Variants in HS6ST2 observed in about 807,000 individuals in gnomAD.
HS6ST2 encodes heparan-sulfate 6-O-sulfotransferase 2.
A neutral mutation model predicts 33.0 loss-of-function variants in HS6ST2; 17 were observed. The ratio of observed to expected loss-of-function variants is 0.52; its 90% CI spans 0.35 to 0.77. HS6ST2 has a LOEUF of 0.77. Ranked by LOEUF, HS6ST2 falls within the 30% of genes least tolerant of loss-of-function variation. The pLI is 0.01. For missense variants in HS6ST2, 519 were observed against 551.7 expected (o/e 0.94, Z 0.59); for synonymous variants, 248 against 237.1 (o/e 1.05, Z -0.42).
intron 2 of HS6ST2, among the ~76,000 whole-genome samples, chrX:132,852,048 G>C (rs1046668376): frequency 9.0e-6 from 1 of 111,479 alleles, no homozygotes; most frequent in East Asian, 2.8e-4. Context: ...AGGCTGAGGA[G>C]GGAGGATCGC....
chrX:132,725,558 C>T lies in HS6ST2; in HGVS notation c.948-17064G>A, dbSNP rs767325179. 8.1e-4 allele frequency among the ~76,000 whole-genome samples: 91 copies of T among 112,017 alleles called. 1 individual carries two copies. Among genetic ancestry groups the T allele is most frequent in the Non-Finnish European group, 1.4e-3 (75 of 53,122 alleles). On this transcript the variant is annotated intron_variant, in intron 2 of 4. Coordinates refer to ENST00000370833, the MANE Select transcript of HS6ST2 (RefSeq NM_001394073.1). ...AGAAAAGAGAACCCTCATACACTGC[C>T]GATGGGAATGTAAATTAGTATGACT...
intron 2 of HS6ST2, among the ~76,000 whole-genome samples, chrX:132,796,148 T>A (rs113200430): frequency 7.2e-4 from 81 of 111,881 alleles, no homozygotes; most frequent in African/African-American, 2.5e-3. Flanking sequence ...TTATTGCACA[T>A]GTTCAGGGAA....
At chrX:132,811,163 C>A (rs1207540142) in intron 2 of HS6ST2, among the ~76,000 whole-genome samples, 2 of 111,277 alleles carry the variant, frequency 1.8e-5, no homozygotes, top group Admixed American at 1.9e-4. Flanking sequence ...GATATGTCAG[C>A]TGGCTTAAAT....
At chrX:132,718,274 CATG>C (rs2064295759) in intron 2 of HS6ST2, among the ~76,000 whole-genome samples, 1 of 111,363 alleles carries the variant, frequency 9.0e-6, no homozygotes, top group African/African-American at 3.3e-5. Flanking sequence ...GGACCAAGCT[CATG>C]AGCCACTCAG....
chrX:132,744,901 T>C (rs770249834), intron 2 of HS6ST2, among the ~76,000 whole-genome samples: 2 of 112,080 alleles, frequency 1.8e-5, no homozygotes, highest in South Asian at 3.7e-4. Flanking sequence ...GGCTATACTA[T>C]TATGAATGTA....
intron 2 of HS6ST2, among the ~76,000 whole-genome samples, chrX:132,746,946 G>A (rs1381965598): frequency 8.9e-6 from 1 of 111,815 alleles, no homozygotes; most frequent in East Asian, 2.8e-4. Context: ...TCAATTCACC[G>A]AGGAAACAAG....
At chrX:132,854,658 G>T (rs185277811) in intron 2 of HS6ST2, among the ~76,000 whole-genome samples, 35 of 112,396 alleles carry the variant, frequency 3.1e-4, no homozygotes, top group African/African-American at 1.1e-3. Context: ...TAGACACAAG[G>T]AACCTTCTGC....
chrX:132,645,472 C>T (rs1382762200), intron 4 of HS6ST2, among the ~76,000 whole-genome samples: 1 of 112,635 alleles, frequency 8.9e-6, no homozygotes, highest in Non-Finnish European at 1.9e-5. Flanking sequence ...AGCCATGAAT[C>T]GGTCATGAAC....
intron 2 of HS6ST2, among the ~76,000 whole-genome samples, chrX:132,880,290 C>T (rs1934588052): frequency 9.0e-6 from 1 of 111,238 alleles, no homozygotes; most frequent in African/African-American, 3.3e-5. Flanking sequence ...AATCCTAGCA[C>T]TTTGGGAGGT....
At chrX:132,657,336 T>C (rs1289597314) in intron 4 of HS6ST2, among the ~76,000 whole-genome samples, 4 of 110,991 alleles carry the variant, frequency 3.6e-5, no homozygotes, top group Non-Finnish European at 7.6e-5. Flanking sequence ...TGGGTATGTG[T>C]AGTTAGCCCC....
Position 132,793,048 on chromosome X carries a change from C to CTTTTTTTTT in HS6ST2, c.948-84563_948-84555dup. ...AAGTTGCAAATCTCCAAATAAACTCCTTTTTTTTTTTTTTTTTTTTTTTTT... is the reference window on the plus strand; with the variant it reads ...AAGTTGCAAATCTCCAAATAAACTCCTTTTTTTTTTTTTTTTTTTTTTTTTTTTTTTTTT... On this transcript the variant is annotated intron_variant, in intron 2 of 4. Coordinates refer to ENST00000370833, the MANE Select transcript of HS6ST2 (RefSeq NM_001394073.1). Among the ~76,000 whole-genome samples the CTTTTTTTTT allele has an allele frequency of 2.6e-4, 14 of 53,241 alleles. 3 individuals are homozygous for CTTTTTTTTT. The highest frequency in any genetic ancestry group is 1.3e-3 in the African/African-American group (12 of 9,561). 46.2% of individuals were successfully genotyped at this position (53,241 alleles called of 115,157 possible). A position where few individuals can be genotyped will look rare whatever the true frequency, so the allele number is the denominator to read the frequency against.
At chrX:132,687,080 T>C (rs2064023485) in intron 3 of HS6ST2, among the ~76,000 whole-genome samples, 2 of 112,184 alleles carry the variant, frequency 1.8e-5, no homozygotes, top group South Asian at 7.5e-4. Context: ...CTGCATCCCT[T>C]CTAGACCAAT....
rs1055213241 is a variant in HS6ST2, at chrX:132,825,198, A to G, written c.948-116704T>C. The stretch of plus-strand genomic sequence containing the variant: ...TTCTATAAGAACAGGGCCTTGAACT[A>G]AAAGGTCTCTGAGATCCCAGTATTC... On this transcript the variant is annotated intron_variant, in intron 2 of 4. Coordinates refer to ENST00000370833, the MANE Select transcript of HS6ST2 (RefSeq NM_001394073.1). 3.6e-5 allele frequency among the ~76,000 whole-genome samples: 4 copies of G among 111,421 alleles called. No homozygotes were observed. In the Admixed American group the frequency reaches 3.8e-4, roughly 11 times the overall value.
intron 2 of HS6ST2, among the ~76,000 whole-genome samples, chrX:132,869,384 G>A (rs1244543446): frequency 8.9e-6 from 1 of 111,863 alleles, no homozygotes; most frequent in African/African-American, 3.3e-5. Context: ...CCAATCAATA[G>A]AAAAAGAGGG....
At chrX:132,672,007 G>T (rs1002043899) in intron 3 of HS6ST2, among the ~76,000 whole-genome samples, 8 of 111,804 alleles carry the variant, frequency 7.2e-5, no homozygotes, top group African/African-American at 2.0e-4. Context: ...CAAAATCCAG[G>T]TCAGTTAGAT....
At chrX:132,637,770 ATTTATATATATAATAT>A (rs1569475840) in intron 4 of HS6ST2, among the ~76,000 whole-genome samples, 3 of 73,006 alleles carry the variant, frequency 4.1e-5, no homozygotes, top group Non-Finnish European at 7.3e-5. Flanking sequence ...AATATTATAT[ATTTATATATATAATAT>A]TTTATATATA....
At chrX:132,761,574 C>T (rs1204365506) in intron 2 of HS6ST2, among the ~76,000 whole-genome samples, 1 of 112,375 alleles carries the variant, frequency 8.9e-6, no homozygotes, top group Non-Finnish European at 1.9e-5. Flanking sequence ...TCCCTGTGGG[C>T]AGAGGCAGAT....
At chrX:132,805,051 A>G (rs1194570836) in intron 2 of HS6ST2, among the ~76,000 whole-genome samples, 1 of 111,206 alleles carries the variant, frequency 9.0e-6, no homozygotes, top group Non-Finnish European at 1.9e-5. Context: ...TGCCTCTCAG[A>G]GGACAGTAAG....
Position 132,646,662 on chromosome X carries a change from C to T in HS6ST2, c.1068-17569G>A, listed in dbSNP as rs547574043. On this transcript the variant is annotated intron_variant, in intron 4 of 4. Coordinates refer to ENST00000370833, the MANE Select transcript of HS6ST2 (RefSeq NM_001394073.1). ...GCCATCTAGTTGGAACACCGTGCAA[C>T]GTAAGAGCCTTTCAGTGGTGCCCAG... Among the ~76,000 whole-genome samples, 22 of 110,904 alleles carry T rather than the reference C, an allele frequency of 2.0e-4. No homozygotes were observed. In the South Asian group the frequency reaches 4.3e-3, roughly 21 times the overall value.
Sources: allele counts gnomAD v4.1 joint callset (sites outside exome capture counted in the v4.1 genomes callset), GRCh38; gene constraint gnomAD v4.1.1; transcripts MANE v1.5; gene names NCBI Gene and HGNC (gene_info 2026-07-23, HGNC 2026-07-21).